The following EPB41L3 variants were observed in gnomAD, a reference collection of about 807,000 sequenced individuals.
EPB41L3 encodes erythrocyte membrane protein band 4.1 like 3.
A neutral mutation model predicts 127.1 loss-of-function variants in EPB41L3; 57 were observed. The ratio of observed to expected loss-of-function variants is 0.45; its 90% CI spans 0.36 to 0.56. The LOEUF is 0.56. Among genes scored for constraint, EPB41L3 ranks in the 20% least tolerant of loss-of-function variants. The probability of loss-of-function intolerance (pLI) is 0.00; values close to 1 mark genes in which losing one functional copy is unlikely to be tolerated. For synonymous variants in EPB41L3, 572 were observed against 549.5 expected, an observed-to-expected ratio of 1.04 and a Z score of -0.57; for missense variants, 1,273 against 1,372.2, an observed-to-expected ratio of 0.93 and a Z score of 1.14.
At chr18:5,475,025 ACC>A (rs2086898343) in intron 3 of EPB41L3, among the ~76,000 whole-genome samples, 1 of 152,138 alleles carries the variant, frequency 6.6e-6, no homozygotes, top group Non-Finnish European at 1.5e-5. Context: ...AGTTATGATA[ACC>A]CTTCAGTCTC....
chr18:5,511,340 G>A (rs1043701465), intron 1 of EPB41L3, among the ~76,000 whole-genome samples: 1 of 145,572 alleles, frequency 6.9e-6, no homozygotes, highest in Admixed American at 6.9e-5. Context: ...AGCAGAGATG[G>A]TTAAAGGTCC....
At chr18:5,613,675 ATT>A (rs2094757351) in intron 2 of EPB41L3, among the ~76,000 whole-genome samples, 1 of 152,136 alleles carries the variant, frequency 6.6e-6, no homozygotes, top group Admixed American at 6.5e-5. Context: ...TAGAGTAGAA[ATT>A]TCTACAAGCT....
At chr18:5,584,436 CAGTA>C (rs1470596384) in intron 3 of EPB41L3, among the ~76,000 whole-genome samples, 3 of 152,170 alleles carry the variant, frequency 2.0e-5, no homozygotes, top group Non-Finnish European at 4.4e-5. Flanking sequence ...ATTAAGGAGA[CAGTA>C]AGCTTTAACA....
At position 5,556,916 on chromosome 18, in the gene EPB41L3, C is replaced by T. The variant is rs987911096; in HGVS notation, c.-306+55424G>A. Among the ~76,000 whole-genome samples, 12 of 152,208 alleles carry T rather than the reference C, an allele frequency of 7.9e-5. 1 individual carries two copies. The highest frequency in any genetic ancestry group is 2.4e-4 in the African/African-American group (10 of 41,454). ...CTCAATGCCATATAATGGTGTGTCA[C>T]GGTGATGACGGGGGCTCACAATAAT... On this transcript the variant is annotated intron_variant, in intron 3 of 21. Transcript: ENST00000545076.
At chr18:5,585,381 A>C (rs1404594619) in intron 3 of EPB41L3, among the ~76,000 whole-genome samples, 1 of 152,086 alleles carries the variant, frequency 6.6e-6, no homozygotes, top group Non-Finnish European at 1.5e-5. Flanking sequence ...TGGGCTCACT[A>C]GTAACTCTGA....
At chr18:5,540,900 CA>C (rs1320324575) in intron 1 of EPB41L3, among the ~76,000 whole-genome samples, 3 of 151,934 alleles carry the variant, frequency 2.0e-5, no homozygotes, top group African/African-American at 7.3e-5. Flanking sequence ...CTGGCTAACA[CA>C]GTGAAACCCC....
intron 3 of EPB41L3, among the ~76,000 whole-genome samples, chr18:5,549,865 C>T (rs1038305181): frequency 6.6e-6 from 1 of 152,166 alleles, no homozygotes; most frequent in Non-Finnish European, 1.5e-5. Flanking sequence ...GGAAAAACAG[C>T]CCACTCAGAC....
intron 3 of EPB41L3, among the ~76,000 whole-genome samples, chr18:5,593,242 C>A (rs570532812): frequency 7.3e-6 from 1 of 137,446 alleles, no homozygotes; most frequent in Non-Finnish European, 1.6e-5. Flanking sequence ...AGCCAGATAT[C>A]GGGCAAAATT....
intron 3 of EPB41L3, chr18:5,577,598 C>A: frequency 4.3e-6 from 1 of 233,086 alleles, no homozygotes; most frequent in South Asian, 5.2e-5. Context: ...CCTTCAGATT[C>A]TTCTTCTAAT....
At chr18:5,429,130 C>T (rs2078632851) in intron 8 of EPB41L3, 1 of 152,136 alleles carries the variant, frequency 6.6e-6, no homozygotes, top group African/African-American at 2.4e-5. Context: ...ACCGCCCTTC[C>T]CTCCACACAA....
chr18:5,452,912 G>A (rs2082486037), intron 3 of EPB41L3, among the ~76,000 whole-genome samples: 1 of 152,048 alleles, frequency 6.6e-6, no homozygotes, highest in Non-Finnish European at 1.5e-5. Flanking sequence ...TAAATGTCTT[G>A]ATCTCCCCTT....
chr18:5,614,694 C>G (rs969978921), intron 1 of EPB41L3, among the ~76,000 whole-genome samples: 6 of 152,280 alleles, frequency 3.9e-5, no homozygotes, highest in African/African-American at 1.4e-4. Flanking sequence ...CCACTTCCAG[C>G]TTCACTGAGA....
chr18:5,488,579 G>GATAATAATAATAATAATAATA lies in EPB41L3; in HGVS notation c.183+421_183+422insTATTATTATTATTATTATTAT, dbSNP rs1358108812. On this transcript the variant is annotated intron_variant, in intron 2 of 22. Coordinates refer to ENST00000341928, the MANE Select transcript of EPB41L3 (RefSeq NM_012307.5). Reference sequence around the variant, plus strand: ...AAAGTATAATAATAATGATGATGATGATGATAATAATAATAATAATAATAA... The same window carrying GATAATAATAATAATAATAATA: ...AAAGTATAATAATAATGATGATGATGATAATAATAATAATAATAATAATGATAATAATAATAATAATAATAA... Among the ~76,000 whole-genome samples, 281 of 148,792 alleles carry GATAATAATAATAATAATAATA rather than the reference G, an allele frequency of 1.9e-3. 1 individual carries two copies. Among genetic ancestry groups the GATAATAATAATAATAATAATA allele is most frequent in the East Asian group, 0.019 (94 of 5,054 alleles).
chr18:5,587,919 A>T (rs1296714889), intron 3 of EPB41L3, among the ~76,000 whole-genome samples: 2 of 152,184 alleles, frequency 1.3e-5, no homozygotes, highest in Non-Finnish European at 1.5e-5. Context: ...TTTAGAAATA[A>T]CCTTAAATCC....
chr18:5,430,414 T>G (rs1026614573), intron 8 of EPB41L3, among the ~76,000 whole-genome samples: 4 of 152,088 alleles, frequency 2.6e-5, no homozygotes, highest in Admixed American at 6.5e-5. Flanking sequence ...TAGAGGTTAA[T>G]GAAAAATGAA....
At chr18:5,469,567 A>G (rs959439085) in intron 3 of EPB41L3, among the ~76,000 whole-genome samples, 2 of 152,162 alleles carry the variant, frequency 1.3e-5, no homozygotes, top group South Asian at 2.1e-4. Flanking sequence ...CTGGGCCAGT[A>G]GCATGAGCCA....
Position 5,398,051 on chromosome 18 carries a change from C to A in EPB41L3, c.2442G>T (p.Gly814=), listed in dbSNP as rs759565422. Residue 814 remains glycine, a synonymous_variant, in exon 17 of 23, where the codon GGG becomes GGT. Transcript: ENST00000341928. ...CCCAGCTTTGAGAAGTAGAAGTAAC[C>A]CCTCCTATGAATTCTGTTGGTTTTC... is the stretch of plus-strand genomic sequence containing the variant. ...SARKPTEFIG[G]VTSTSQSWVQ... 2 of 1,614,068 alleles carry A rather than the reference C, an allele frequency of 1.2e-6. No homozygotes were observed. The highest frequency in any genetic ancestry group is 1.7e-6 in the Non-Finnish European group (2 of 1,180,000).
chr18:5,394,509 C>T, intron 22 of EPB41L3, 168 bp downstream of exon 22: 2 of 573,094 alleles, frequency 3.5e-6, no homozygotes, highest in Non-Finnish European at 6.2e-6. Context: ...ATGGAAGCTC[C>T]AAATGTGAGA....
chr18:5,419,868 G>A lies in EPB41L3; in HGVS notation c.1349C>T (p.Thr450Ile). ...MSRSLDGEVGTGQYATTKGIS... is the reference protein window; with the variant it reads ...MSRSLDGEVGIGQYATTKGIS... The stretch of plus-strand genomic sequence containing the variant: ...GCCTTTTGTTGTGGCGTACTGGCCA[G>A]TACCAACCTCTGCAGCAGACATAGA... The change falls in exon 12 of 23, where the codon ACT (threonine) becomes ATT (isoleucine). Residue 450 changes from threonine (T) to isoleucine (I), a missense_variant. Coordinates refer to ENST00000341928, the MANE Select transcript of EPB41L3 (RefSeq NM_012307.5). 4 of 1,614,216 alleles carry A rather than the reference G, an allele frequency of 2.5e-6. No homozygotes were observed. The highest frequency in any genetic ancestry group is 3.4e-6 in the Non-Finnish European group (4 of 1,180,046).
Sources: allele counts gnomAD v4.1 joint callset (sites outside exome capture counted in the v4.1 genomes callset), GRCh38; gene constraint gnomAD v4.1.1; transcripts MANE v1.5; gene names NCBI Gene and HGNC (gene_info 2026-07-23, HGNC 2026-07-21).